ATL3: variants seen among roughly 807,000 people sequenced by gnomAD.
ATL3 encodes atlastin GTPase 3.
In ATL3, 49 loss-of-function variants were observed where a neutral mutation model predicts 69.5. The observed-to-expected ratio is 0.71, with a 90% CI of 0.56 to 0.89. The LOEUF (loss-of-function observed/expected upper bound fraction) is 0.89, where lower values mean the gene tolerates loss of function less well. Ranked by LOEUF, ATL3 falls within the 40% of genes least tolerant of loss-of-function variation. ATL3 has a pLI of 0.00. For synonymous variants in ATL3, 214 were observed against 224.1 expected, an observed-to-expected ratio of 0.95 and a Z score of 0.40; for missense variants, 606 against 645.7, an observed-to-expected ratio of 0.94 and a Z score of 0.67.
Position 63,624,485 on chromosome 11 carries a change from A to C in ATL3, c.*4834T>G, listed in dbSNP as rs960541405. The C allele has an allele frequency of 6.6e-6, 1 of 152,152 alleles. No individual in the cohort carries two copies. Among genetic ancestry groups the C allele is most frequent in the East Asian group, 1.9e-4 (1 of 5,194 alleles). The allele number at this position is 152,152 out of a possible 1,614,324, so 9.4% of individuals were successfully genotyped here. ...TTCTGTCCCTAGATCTGTTTTGCAA[A>C]GTTTCTGATATGGGGTACTTAGGTC... is the stretch of plus-strand genomic sequence containing the variant. On this transcript the variant is annotated 3_prime_UTR_variant, in exon 13 of 13. Coordinates refer to ENST00000398868, the MANE Select transcript of ATL3 (RefSeq NM_015459.5).
intron 3 of ATL3, among the ~76,000 whole-genome samples, chr11:63,655,450 C>CTT (rs779379886): frequency 7.4e-6 from 1 of 135,034 alleles, no homozygotes. Context: ...CGCATCTGGC[C>CTT]TTTTTTTTTT....
At chr11:63,641,861 T>C (rs1043246024) in intron 8 of ATL3, among the ~76,000 whole-genome samples, 2 of 152,156 alleles carry the variant, frequency 1.3e-5, no homozygotes, top group Admixed American at 6.6e-5. Flanking sequence ...AAGCAATGCA[T>C]TGGAATACTA....
chr11:63,635,714 T>A (rs947330096), intron 9 of ATL3, 124 bp from the exon 10 acceptor site: 3 of 703,512 alleles, frequency 4.3e-6, no homozygotes, highest in African/African-American at 3.6e-5. Context: ...AACCAGGAAT[T>A]AGCAAAAACA....
In ATL3 at chr11:63,626,471, CAGAA is replaced by C. The variant is rs1398068205; in HGVS notation, c.*2844_*2847del. ...TCATTTTATCTATGAGCCAATCTTACAGAAAGATTTCTCAAAGAATGAAAACTCT... is the reference window on the plus strand; with the variant it reads ...TCATTTTATCTATGAGCCAATCTTACAGATTTCTCAAAGAATGAAAACTCT... On this transcript the variant is annotated 3_prime_UTR_variant, in exon 13 of 13. Coordinates refer to ENST00000398868, the MANE Select transcript of ATL3 (RefSeq NM_015459.5). The C allele has an allele frequency of 6.6e-6, 1 of 152,198 alleles. No individual in the cohort carries two copies. Among genetic ancestry groups the C allele is most frequent in the East Asian group, 1.9e-4 (1 of 5,202 alleles). The allele number at this position is 152,198 out of a possible 1,614,324, so 9.4% of individuals were successfully genotyped here.
chr11:63,667,876 A>T (rs1940626580), intron 1 of ATL3, among the ~76,000 whole-genome samples: 1 of 151,912 alleles, frequency 6.6e-6, no homozygotes, highest in Non-Finnish European at 1.5e-5. Flanking sequence ...TACGCACTAC[A>T]GGCTATTGAG....
At chr11:63,661,168 G>A (rs185319503) in intron 1 of ATL3, among the ~76,000 whole-genome samples, 12 of 151,304 alleles carry the variant, frequency 7.9e-5, no homozygotes, top group African/African-American at 2.4e-4. Flanking sequence ...GCTGCAGTGA[G>A]CCGTGATCGC....
chr11:63,657,401 C>CT (rs1940288877), intron 3 of ATL3, among the ~76,000 whole-genome samples: 1 of 152,118 alleles, frequency 6.6e-6, no homozygotes, highest in Admixed American at 6.6e-5. Flanking sequence ...CTAAGAAGCC[C>CT]TACTGATAGC....
At chr11:63,660,677 G>A (rs1275779259) in intron 1 of ATL3, among the ~76,000 whole-genome samples, 1 of 152,056 alleles carries the variant, frequency 6.6e-6, no homozygotes, top group East Asian at 1.9e-4. Context: ...AGCTGAGGCA[G>A]GAGGATTACT....
intron 4 of ATL3, 68 bp downstream of exon 4, chr11:63,652,403 C>A: frequency 9.8e-7 from 1 of 1,021,936 alleles, no homozygotes; most frequent in Non-Finnish European, 1.4e-6. Flanking sequence ...GAACAATAAC[C>A]AAAACTGTAT....
chr11:63,628,737 G>GAGGC lies in ATL3; in HGVS notation c.*578_*581dup, dbSNP rs1381555457. On this transcript the variant is annotated 3_prime_UTR_variant, in exon 13 of 13. Coordinates refer to ENST00000398868, the MANE Select transcript of ATL3 (RefSeq NM_015459.5). ...TGTAGTCCCAGCTACTTGGGAGGCT[G>GAGGC]AGGCAGGAGAACTGCTTGAACCCGG... 1 of 151,144 alleles carries GAGGC rather than the reference G, an allele frequency of 6.6e-6. No homozygotes were observed. The highest frequency in any genetic ancestry group is 1.5e-5 in the Non-Finnish European group (1 of 68,436). 9.4% of individuals were successfully genotyped at this position (151,144 alleles called of 1,614,324 possible).
At chr11:63,659,886 G>A (rs545344474) in intron 1 of ATL3, among the ~76,000 whole-genome samples, 2 of 152,084 alleles carry the variant, frequency 1.3e-5, no homozygotes, top group East Asian at 1.9e-4. Context: ...GCAGTGAGCC[G>A]AGATCATGCC....
chr11:63,666,398 A>G (rs1426079238), intron 1 of ATL3, among the ~76,000 whole-genome samples: 1 of 152,014 alleles, frequency 6.6e-6, no homozygotes, highest in Non-Finnish European at 1.5e-5. Flanking sequence ...GTCTAAATGT[A>G]CAACTGCCTA....
At chr11:63,659,360 C>T (rs935097575) in intron 1 of ATL3, 108 bp from the exon 2 acceptor site, 7 of 864,660 alleles carry the variant, frequency 8.1e-6, no homozygotes, top group African/African-American at 1.7e-5. Context: ...GGCTCAATGG[C>T]TCATGCCTAT....
intron 8 of ATL3, among the ~76,000 whole-genome samples, chr11:63,636,674 G>T (rs929870461): frequency 2.0e-5 from 3 of 151,590 alleles, no homozygotes; most frequent in South Asian, 4.2e-4. Flanking sequence ...AGGAGGAGGA[G>T]GTTGCAGTGA....
chr11:63,661,858 C>G (rs1940430837), intron 1 of ATL3, among the ~76,000 whole-genome samples: 1 of 150,634 alleles, frequency 6.6e-6, no homozygotes, highest in Non-Finnish European at 1.5e-5. Context: ...CACTGCACTC[C>G]AGCCTGGGCA....
At chr11:63,630,426 C>CAA (rs758000337) in intron 12 of ATL3, among the ~76,000 whole-genome samples, 612 of 31,172 alleles carry the variant, frequency 0.02, 10 homozygotes, top group African/African-American at 0.049. Context: ...AAATCTGTCT[C>CAA]AAAAAAAAAA....
intron 9 of ATL3, among the ~76,000 whole-genome samples, chr11:63,635,998 G>C (rs1939503000): frequency 6.6e-6 from 1 of 150,682 alleles, no homozygotes; most frequent in South Asian, 2.1e-4. Flanking sequence ...GCTCCTCTAA[G>C]AGAGTGCAAA....
At chr11:63,664,902 G>A (rs191766831) in intron 1 of ATL3, among the ~76,000 whole-genome samples, 6 of 152,026 alleles carry the variant, frequency 3.9e-5, no homozygotes, top group East Asian at 2.0e-4. Context: ...CACCGCACCC[G>A]GCCAATAAAC....
At chr11:63,643,288 T>C in intron 8 of ATL3, 69 bp downstream of exon 8, 2 of 1,446,086 alleles carry the variant, frequency 1.4e-6, no homozygotes, top group Non-Finnish European at 1.9e-6. Flanking sequence ...TTCACTTGAT[T>C]TGTAAGTGAT....
Sources: gnomAD v4.1 joint callset for allele counts (sites outside exome capture counted in the v4.1 genomes callset) on GRCh38, gnomAD v4.1.1 for gene constraint, MANE v1.5 for transcripts, NCBI Gene and HGNC (gene_info 2026-07-23, HGNC 2026-07-21) for gene names.